The following ERBB4 variants were observed in gnomAD, a reference collection of about 807,000 sequenced individuals.
The protein encoded by ERBB4 is receptor tyrosine-protein kinase erbB-4.
A neutral mutation model predicts 158.0 loss-of-function variants in ERBB4; 42 were observed. The ratio of observed to expected loss-of-function variants is 0.27; its 90% CI spans 0.21 to 0.34. The LOEUF is 0.34. ERBB4 is among the 10% of genes least tolerant of loss of function. ERBB4 has a pLI of 1.00. For synonymous variants in ERBB4, 583 were observed against 558.7 expected (o/e 1.04, Z -0.61); for missense variants, 1,333 against 1,624.1 (o/e 0.82, Z 3.08).
At chr2:211,693,392 A>T (rs985335186) in intron 12 of ERBB4, among the ~76,000 whole-genome samples, 1 of 152,158 alleles carries the variant, frequency 6.6e-6, no homozygotes, top group African/African-American at 2.4e-5. Context: ...TAAATGCAAA[A>T]AAACCCCACT....
At chr2:212,087,118 T>C (rs531084274) in intron 2 of ERBB4, among the ~76,000 whole-genome samples, 30 of 151,912 alleles carry the variant, frequency 2.0e-4, no homozygotes, top group African/African-American at 6.5e-4. Context: ...GTCCTCTATA[T>C]GGAAAATGTG....
chr2:211,956,202 C>G (rs913807009), intron 2 of ERBB4, among the ~76,000 whole-genome samples: 2 of 151,952 alleles, frequency 1.3e-5, no homozygotes, highest in Admixed American at 6.6e-5. Context: ...ACACATTAAG[C>G]TCCAATGACT....
At chr2:211,715,581 G>A (rs549133755) in intron 7 of ERBB4, among the ~76,000 whole-genome samples, 2 of 152,248 alleles carry the variant, frequency 1.3e-5, no homozygotes, top group South Asian at 4.2e-4. Context: ...ATGAATCATG[G>A]GGGTGGCTTC....
chr2:211,897,440 CAA>C (rs199740793), intron 3 of ERBB4, among the ~76,000 whole-genome samples: 13 of 101,084 alleles, frequency 1.3e-4, no homozygotes, highest in Admixed American at 1.1e-4. Flanking sequence ...GTATAATTTG[CAA>C]AAAAAAAAAA....
intron 1 of ERBB4, among the ~76,000 whole-genome samples, chr2:212,211,132 T>C (rs148811328): frequency 6.6e-6 from 1 of 152,276 alleles, no homozygotes; most frequent in East Asian, 1.9e-4. Context: ...TAAACATCTC[T>C]GCATCCACTC....
At chr2:211,629,439 A>G (rs2070010540) in intron 17 of ERBB4, among the ~76,000 whole-genome samples, 1 of 152,184 alleles carries the variant, frequency 6.6e-6, no homozygotes, top group South Asian at 2.1e-4. Flanking sequence ...CATGGGTAGG[A>G]AGAATCAATA....
At chr2:212,208,890 A>AT (rs1559749557) in intron 1 of ERBB4, among the ~76,000 whole-genome samples, 8 of 152,082 alleles carry the variant, frequency 5.3e-5, no homozygotes, top group African/African-American at 1.9e-4. Context: ...AAGGACCTTT[A>AT]TTCTTTTTTA....
At chr2:211,620,272 T>C (rs1468806042) in intron 18 of ERBB4, among the ~76,000 whole-genome samples, 1 of 152,182 alleles carries the variant, frequency 6.6e-6, no homozygotes, top group Non-Finnish European at 1.5e-5. Context: ...AAAATATTTC[T>C]TATAAGATTT....
chr2:212,412,248 T>C (rs2091520309), intron 1 of ERBB4, among the ~76,000 whole-genome samples: 1 of 152,184 alleles, frequency 6.6e-6, no homozygotes, highest in African/African-American at 2.4e-5. Flanking sequence ...CTCTCTGTGA[T>C]ATGGTTTGGA....
chr2:211,513,391 T>C (rs1364542350), intron 20 of ERBB4, among the ~76,000 whole-genome samples: 1 of 140,928 alleles, frequency 7.1e-6, no homozygotes, highest in Non-Finnish European at 1.5e-5. Flanking sequence ...AAAAAAACAC[T>C]GATCCTAGAA....
chr2:212,002,558 AG>A (rs1278037338), intron 2 of ERBB4, among the ~76,000 whole-genome samples: 1 of 152,202 alleles, frequency 6.6e-6, no homozygotes, highest in African/African-American at 2.4e-5. Flanking sequence ...AACAGGTAAA[AG>A]GGCCACGTTT....
chr2:212,050,156 T>C (rs1187701257), intron 2 of ERBB4, among the ~76,000 whole-genome samples: 1 of 152,146 alleles, frequency 6.6e-6, no homozygotes, highest in Admixed American at 6.6e-5. Context: ...TATTGTCTTT[T>C]TTTTTCCTTT....
At chr2:212,056,251 A>G (rs1575575300) in intron 2 of ERBB4, among the ~76,000 whole-genome samples, 1 of 152,246 alleles carries the variant, frequency 6.6e-6, no homozygotes, top group East Asian at 1.9e-4. Context: ...AGAAATGAAC[A>G]AAGCCTCCAA....
At chr2:212,459,878 A>G (rs1188306252) in intron 1 of ERBB4, among the ~76,000 whole-genome samples, 4 of 152,170 alleles carry the variant, frequency 2.6e-5, no homozygotes, top group Non-Finnish European at 5.9e-5. Flanking sequence ...GAAAAACTGG[A>G]TACCCATATG....
intron 19 of ERBB4, among the ~76,000 whole-genome samples, chr2:211,610,529 A>C (rs1005656902): frequency 6.6e-6 from 1 of 152,200 alleles, no homozygotes; most frequent in Non-Finnish European, 1.5e-5. Context: ...GCTGAATATT[A>C]GAAACTGTTC....
chr2:212,318,577 C>T (rs1460916112), intron 1 of ERBB4, among the ~76,000 whole-genome samples: 1 of 151,478 alleles, frequency 6.6e-6, no homozygotes, highest in Non-Finnish European at 1.5e-5. Context: ...ATATATCCTC[C>T]TTGTTGCAAA....
intron 1 of ERBB4, among the ~76,000 whole-genome samples, chr2:212,489,135 TTAAGTA>T (rs1403860160): frequency 1.3e-5 from 2 of 151,542 alleles, no homozygotes; most frequent in African/African-American, 4.8e-5. Flanking sequence ...GAAATAATAG[TTAAGTA>T]TAAAATAAGA....
At chr2:212,059,098 G>A (rs532360738) in intron 2 of ERBB4, among the ~76,000 whole-genome samples, 1 of 152,130 alleles carries the variant, frequency 6.6e-6, no homozygotes, top group Non-Finnish European at 1.5e-5. Context: ...CAAAGTCTCA[G>A]GATACAAAAT....
chr2:212,414,512 C>T (rs986640396), intron 1 of ERBB4, among the ~76,000 whole-genome samples: 2 of 152,110 alleles, frequency 1.3e-5, no homozygotes, highest in African/African-American at 4.8e-5. Flanking sequence ...CTGTTTCATT[C>T]TAAAATCTCA....
Sources: allele counts gnomAD v4.1 joint callset (sites outside exome capture counted in the v4.1 genomes callset), GRCh38; gene constraint gnomAD v4.1.1; transcripts MANE v1.5; gene names NCBI Gene and HGNC (gene_info 2026-07-23, HGNC 2026-07-21).